STXBP5L: variants seen among roughly 807,000 people sequenced by gnomAD.
STXBP5L encodes syntaxin binding protein 5L, also known as syntaxin-binding protein 5-like.
In STXBP5L, 65 loss-of-function variants were observed where a neutral mutation model predicts 144.5. That is an observed-to-expected ratio of 0.45 (90% CI 0.37 to 0.55). The LOEUF (loss-of-function observed/expected upper bound fraction) is 0.55, where lower values mean the gene tolerates loss of function less well. Ranked by LOEUF, STXBP5L falls within the 20% of genes least tolerant of loss-of-function variation. STXBP5L has a pLI of 0.00. For missense variants in STXBP5L, 1,298 were observed against 1,405.5 expected (o/e 0.92, Z 1.22); for synonymous variants, 505 against 469.6 (o/e 1.08, Z -0.97).
chr3:121,317,000 T>C (rs1211150968), intron 19 of STXBP5L, among the ~76,000 whole-genome samples: 1 of 152,210 alleles, frequency 6.6e-6, no homozygotes, highest in African/African-American at 2.4e-5. Context: ...TTATAGCAAC[T>C]CTGTGGATTA....
chr3:121,348,689 G>C (rs866644052), intron 20 of STXBP5L, among the ~76,000 whole-genome samples: 28 of 151,902 alleles, frequency 1.8e-4, no homozygotes, highest in South Asian at 8.3e-4. Flanking sequence ...GTCTTGGGAG[G>C]GTGTATGTGT....
intron 20 of STXBP5L, among the ~76,000 whole-genome samples, chr3:121,343,637 A>T (rs984553142): frequency 7.9e-5 from 12 of 152,056 alleles, no homozygotes; most frequent in Non-Finnish European, 8.8e-5. Flanking sequence ...ATGAGTGAAC[A>T]CCCATTCACA....
intron 7 of STXBP5L, among the ~76,000 whole-genome samples, chr3:121,140,510 G>C (rs1398553595): frequency 6.6e-6 from 1 of 151,958 alleles, no homozygotes; most frequent in Non-Finnish European, 1.5e-5. Flanking sequence ...TGGATAAATA[G>C]ATAAAGAAAA....
At chr3:120,914,741 G>A (rs1227588447) in intron 2 of STXBP5L, among the ~76,000 whole-genome samples, 1 of 152,098 alleles carries the variant, frequency 6.6e-6, no homozygotes, top group Non-Finnish European at 1.5e-5. Context: ...GTGTGGATTT[G>A]TTACATTCTC....
chr3:121,174,400 G>GT (rs1302957564), intron 9 of STXBP5L, among the ~76,000 whole-genome samples: 2 of 151,980 alleles, frequency 1.3e-5, no homozygotes, highest in Non-Finnish European at 2.9e-5. Flanking sequence ...TTGTCTGCCT[G>GT]TTTTTTCAGA....
At chr3:121,225,822 T>C (rs1287589337) in intron 11 of STXBP5L, among the ~76,000 whole-genome samples, 2 of 152,220 alleles carry the variant, frequency 1.3e-5, no homozygotes, top group Non-Finnish European at 2.9e-5. Context: ...GGCCAAATTA[T>C]ACAAATGTTT....
At chr3:121,349,606 G>A (rs755083979) in intron 20 of STXBP5L, among the ~76,000 whole-genome samples, 3 of 152,002 alleles carry the variant, frequency 2.0e-5, no homozygotes, top group Non-Finnish European at 4.4e-5. Flanking sequence ...CTCTTTGTAG[G>A]TCTCTAAGGA....
At chr3:121,210,240 A>G (rs1433220952) in intron 10 of STXBP5L, among the ~76,000 whole-genome samples, 1 of 152,110 alleles carries the variant, frequency 6.6e-6, no homozygotes, top group Non-Finnish European at 1.5e-5. Flanking sequence ...TTCTTTTGAG[A>G]AGTGTCTGTT....
At chr3:120,930,836 G>T (rs967460288) in intron 2 of STXBP5L, among the ~76,000 whole-genome samples, 2 of 151,410 alleles carry the variant, frequency 1.3e-5, no homozygotes, top group Non-Finnish European at 3.0e-5. Flanking sequence ...TTTAACTGCT[G>T]CTTCCCTCTT....
At chr3:121,346,136 G>C (rs990370494) in intron 20 of STXBP5L, among the ~76,000 whole-genome samples, 2 of 141,640 alleles carry the variant, frequency 1.4e-5, no homozygotes, top group East Asian at 4.3e-4. Context: ...CCCAGGGTGT[G>C]ATGTTTCCCT....
intron 5 of STXBP5L, among the ~76,000 whole-genome samples, chr3:121,104,331 T>C (rs970138539): frequency 3.3e-5 from 5 of 152,100 alleles, no homozygotes; most frequent in Admixed American, 1.3e-4. Flanking sequence ...CCAAAAATAA[T>C]CTACAGATTC....
At chr3:121,284,250 T>G (rs2051157959) in intron 19 of STXBP5L, among the ~76,000 whole-genome samples, 1 of 152,042 alleles carries the variant, frequency 6.6e-6, no homozygotes, top group African/African-American at 2.4e-5. Context: ...CAAATGGATT[T>G]TCTACTATTC....
At chr3:121,387,618 C>T (rs190916608) in intron 22 of STXBP5L, among the ~76,000 whole-genome samples, 34 of 152,218 alleles carry the variant, frequency 2.2e-4, no homozygotes, top group African/African-American at 8.2e-4. Flanking sequence ...CAGCTTTCTA[C>T]ATATGGCTAG....
Position 120,954,995 on chromosome 3 carries a change from A to G in STXBP5L, c.245A>G (p.Gln82Arg), listed in dbSNP as rs1937861744. The G allele has an allele frequency of 1.2e-6, 2 of 1,612,618 alleles. No individual in the cohort carries two copies. The change falls in exon 3 of 27, where the codon CAG (glutamine) becomes CGG (arginine). Residue 82 changes from glutamine to arginine, a missense_variant. Physicochemically the swap from Gln to Arg is conservative, Grantham distance 43. Transcript: ENST00000471454. ...QPTALAFDPV[Q>R]KILAIGTRTG... ...ACAGCATTAGCCTTTGATCCAGTTC[A>G]GAAAATCTTGGCTATTGGGACGAGA...
chr3:121,017,469 G>C (rs1015140593), intron 3 of STXBP5L, among the ~76,000 whole-genome samples: 4 of 152,174 alleles, frequency 2.6e-5, no homozygotes, highest in African/African-American at 9.6e-5. Flanking sequence ...GCAAACAAAA[G>C]ATATACAGAT....
chr3:121,317,953 G>T (rs1002396812), intron 19 of STXBP5L, among the ~76,000 whole-genome samples: 3 of 151,894 alleles, frequency 2.0e-5, no homozygotes, highest in Non-Finnish European at 4.4e-5. Flanking sequence ...TCTCCTGAGA[G>T]GATATTTGAT....
chr3:121,414,417 T>C (rs2047187514), intron 24 of STXBP5L, among the ~76,000 whole-genome samples: 1 of 152,224 alleles, frequency 6.6e-6, no homozygotes, highest in African/African-American at 2.4e-5. Flanking sequence ...CACTTAAGGT[T>C]AAACTTTTAC....
intron 22 of STXBP5L, among the ~76,000 whole-genome samples, chr3:121,403,634 A>G (rs969339611): frequency 2.6e-5 from 4 of 152,182 alleles, no homozygotes; most frequent in South Asian, 2.1e-4. Flanking sequence ...CTTACTTTCT[A>G]TGGTAGAGAT....
At chr3:121,214,186 G>T (rs2048688121) in intron 10 of STXBP5L, among the ~76,000 whole-genome samples, 1 of 152,000 alleles carries the variant, frequency 6.6e-6, no homozygotes, top group African/African-American at 2.4e-5. Context: ...TTTTTGAAGG[G>T]TTTTTCATGT....
Sources: gnomAD v4.1 joint callset for allele counts (sites outside exome capture counted in the v4.1 genomes callset) on GRCh38, gnomAD v4.1.1 for gene constraint, MANE v1.5 for transcripts, NCBI Gene and HGNC (gene_info 2026-07-23, HGNC 2026-07-21) for gene names.